The following LRRC56 variants were observed in gnomAD, a reference collection of about 807,000 sequenced individuals.
LRRC56 encodes the protein leucine-rich repeat-containing protein 56.
In LRRC56, 41 loss-of-function variants were observed where a neutral mutation model predicts 47.8. The observed-to-expected ratio is 0.86, with a 90% CI of 0.67 to 1.11. LRRC56 has a LOEUF of 1.11. LRRC56 is among the 50% of genes most tolerant of loss of function. The probability of loss-of-function intolerance (pLI) is 0.00; values close to 1 mark genes in which losing one functional copy is unlikely to be tolerated. For missense variants in LRRC56, 759 were observed against 704.2 expected (o/e 1.08, Z -0.88); for synonymous variants, 387 against 311.2 (o/e 1.24, Z -2.56).
At chr11:512,877 A>C in the LRRC56 span, among the ~76,000 whole-genome samples, 11 of 152,322 alleles carry the variant, frequency 7.2e-5, no homozygotes, top group Admixed American at 1.3e-4. Flanking sequence ...AAACAATTCA[A>C]GGGCAAGCTG....
At chr11:520,905 A>G in the LRRC56 span, among the ~76,000 whole-genome samples, 2 of 152,162 alleles carry the variant, frequency 1.3e-5, no homozygotes, top group Non-Finnish European at 2.9e-5. Context: ...GGTTCCATTC[A>G]ACAGAATTGG....
chr11:533,878 C>T (rs1589792804), upstream of LRRC56: 1 of 1,613,278 alleles, frequency 6.2e-7, no homozygotes, highest in Non-Finnish European at 8.5e-7. Context: ...TCCTCCTGGC[C>T]GGCGGTATCC....
chr11:543,723 G>A (rs1469228377), intron 5 of LRRC56, among the ~76,000 whole-genome samples: 10 of 152,034 alleles, frequency 6.6e-5, no homozygotes, highest in East Asian at 1.9e-4. Context: ...GTCTTGGAGC[G>A]CCTGTACCCA....
intron 6 of LRRC56, among the ~76,000 whole-genome samples, chr11:545,462 C>G (rs1231796113): frequency 2.0e-5 from 3 of 152,168 alleles, no homozygotes; most frequent in African/African-American, 7.2e-5. Context: ...CAGACGGCAG[C>G]CCCTGGGAGA....
upstream of LRRC56, chr11:533,399 TGGGGC>T (rs757540126): frequency 1.7e-5 from 22 of 1,323,012 alleles, no homozygotes; most frequent in Admixed American, 3.4e-5. Context: ...GCTCCCTGGC[TGGGGC>T]GGGGCGGGGC....
In LRRC56 at chr11:541,267, GGT is replaced by G. The variant is rs1459696765; in HGVS notation, c.178-265_178-264del. ...GGTCCGGGCTCTGGGTGCCGGGTGT[GGT>G]GTGTCTGCCCTGGGAGTCTCTCTGG... On this transcript the variant is annotated intron_variant, in intron 4 of 13. Coordinates refer to ENST00000270115, the MANE Select transcript of LRRC56 (RefSeq NM_198075.4). This position sits in a 1 kb window ranked among gnomAD's most constrained non-coding sequence, Gnocchi z 4.1. Among the ~76,000 whole-genome samples, 2 of 152,262 alleles carry G rather than the reference GGT, an allele frequency of 1.3e-5. No individual in the cohort carries two copies. The highest frequency in any genetic ancestry group is 3.9e-4 in the East Asian group (2 of 5,164).
chr11:540,558 T>A, intron 3 of LRRC56, 116 bp from the exon 4 acceptor site: 4 of 756,546 alleles, frequency 5.3e-6, no homozygotes, highest in South Asian at 1.9e-5. Context: ...TGGGGGTGGG[T>A]GCCAAGGGCT....
At chr11:532,725 G>A (rs758956556), upstream of LRRC56, 5 of 1,613,062 alleles carry the variant, frequency 3.1e-6, no homozygotes, top group Non-Finnish European at 4.2e-6. Flanking sequence ...CGGATCTCAC[G>A]CACCAACGTG....
At chr11:526,373 A>G in the LRRC56 span, among the ~76,000 whole-genome samples, 7 of 152,144 alleles carry the variant, frequency 4.6e-5, no homozygotes, top group African/African-American at 1.7e-4. Flanking sequence ...GCCCAAGATG[A>G]AAATCACGGG....
rs139862083 is a variant in LRRC56, at chr11:550,697, T to C, written c.624+425T>C. On this transcript the variant is annotated intron_variant, in intron 8 of 13. Coordinates refer to ENST00000270115, the MANE Select transcript of LRRC56 (RefSeq NM_198075.4). ...GCCCTGCTCAGAGCTGGCACACCTG[T>C]GCGTGCAGGCCCTGGCGTAGCTCAC... Among the ~76,000 whole-genome samples, 191 of 152,244 alleles carry C rather than the reference T, an allele frequency of 1.3e-3. 1 individual carries two copies. The highest frequency in any genetic ancestry group is 2.0e-3 in the Non-Finnish European group (138 of 67,984).
rs200926908 is a variant in LRRC56, at chr11:552,148, C to T, written c.1097C>T (p.Thr366Ile). Residue 366 changes from threonine (T) to isoleucine (I), a missense_variant, in exon 12 of 14, where the codon ACT becomes ATT. By Grantham distance (89) the Thr-to-Ile change is moderately conservative. Coordinates refer to ENST00000270115, the MANE Select transcript of LRRC56 (RefSeq NM_198075.4). ...QHRPGDPAAS[T>I]STPEPDPADS... ...AGGCCAGGAGATCCGGCCGCCAGCACTTCCACCCCAGAGCCTGACCCTGCA... is the reference window on the plus strand; with the variant it reads ...AGGCCAGGAGATCCGGCCGCCAGCATTTCCACCCCAGAGCCTGACCCTGCA... 2 of 1,612,702 alleles carry T rather than the reference C, an allele frequency of 1.2e-6. No homozygotes were observed. The highest frequency in any genetic ancestry group is 2.2e-5 in the South Asian group (2 of 91,078).
the LRRC56 span, among the ~76,000 whole-genome samples, chr11:510,887 T>G: frequency 1.4e-5 from 2 of 147,630 alleles, no homozygotes; most frequent in Non-Finnish European, 3.0e-5. Flanking sequence ...CCAGCCTGGG[T>G]GACAGAGTGA....
chr11:506,671 G>C, the LRRC56 span: 1 of 152,306 alleles, frequency 6.6e-6, no homozygotes, highest in Non-Finnish European at 1.5e-5. Context: ...GCTCCTTCCC[G>C]GGAGGCCGCT....
rs1340000566 is a variant in LRRC56 at position 552,603 on chromosome 11, G to C, written c.1216G>C (p.Glu406Gln). ...CTATAGGCACCCGGAGTCCCAACAG[G>C]AAGGGGCTGTAGCCCCCTGGGGCCC... ...LPYRHPESQQEGAVAPWGPRR... is the reference protein window; with the variant it reads ...LPYRHPESQQQGAVAPWGPRR... Residue 406 changes from glutamate (E) to glutamine (Q), a missense_variant, in exon 13 of 14, where the codon GAA becomes CAA. Physicochemically the swap from Glu to Gln is conservative, Grantham distance 29. Transcript: ENST00000270115. The C allele has an allele frequency of 6.2e-7, 1 of 1,609,276 alleles. No homozygotes were observed. Among genetic ancestry groups the C allele is most frequent in the Middle Eastern group, 1.8e-4 (1 of 5,638 alleles).
At chr11:514,615 G>C in the LRRC56 span, among the ~76,000 whole-genome samples, 1 of 152,018 alleles carries the variant, frequency 6.6e-6, no homozygotes. Context: ...TTTTGGTCTT[G>C]AGGGAGGGTA....
At chr11:507,236 C>CGTGT in the LRRC56 span, 1 of 149,752 alleles carries the variant, frequency 6.7e-6, no homozygotes, top group East Asian at 2.0e-4. Flanking sequence ...GCGGCGCGGG[C>CGTGT]GTGTTCGAGC....
chr11:545,493 A>G (rs1350149559), intron 6 of LRRC56, among the ~76,000 whole-genome samples: 1 of 151,770 alleles, frequency 6.6e-6, no homozygotes, highest in Non-Finnish European at 1.5e-5. Context: ...GAGCCTGTGT[A>G]AAGAACCCAG....
Position 550,255 on chromosome 11 carries a change from C to T in LRRC56, c.607C>T (p.Pro203Ser), listed in dbSNP as rs961390357. The change falls in exon 8 of 14, where the codon CCT becomes TCT. Residue 203 changes from proline to serine, a missense_variant. Coordinates refer to ENST00000270115, the MANE Select transcript of LRRC56 (RefSeq NM_198075.4). ...EGNLVCLQPA[P>S]GPTNKVPRGY... ...CAACCTGGTGTGCCTACAGCCGGCC[C>T]CTGGCCCCACCAACAAGGTGCGTGT... 3.1e-6 allele frequency: 5 copies of T among 1,597,740 alleles called. No homozygotes were observed. The highest frequency in any genetic ancestry group is 3.4e-5 in the Admixed American group (2 of 58,396).
In LRRC56 at chr11:552,616, C is replaced by T. The variant is rs1391339765; in HGVS notation, c.1229C>T (p.Ala410Val). Residue 410 changes from alanine to valine, a missense_variant, in exon 13 of 14, where the codon GCC becomes GTC. By Grantham distance (64) the Ala-to-Val change is moderately conservative (BLOSUM62 0). Transcript: ENST00000270115. ...GAGTCCCAACAGGAAGGGGCTGTAG[C>T]CCCCTGGGGCCCACGGAGGGTCCCT... ...HPESQQEGAV[A>V]PWGPRRVPEE... 3 of 1,608,808 alleles carry T rather than the reference C, an allele frequency of 1.9e-6. No individual in the cohort carries two copies. Among genetic ancestry groups the T allele is most frequent in the African/African-American group, 2.7e-5 (2 of 74,814 alleles).
Sources: gnomAD v4.1 joint callset for allele counts (sites outside exome capture counted in the v4.1 genomes callset) on GRCh38, gnomAD v4.1.1 for gene constraint, Gnocchi (gnomAD v3.1) non-coding constraint, MANE v1.5 for transcripts, NCBI Gene and HGNC (gene_info 2026-07-23, HGNC 2026-07-21) for gene names.